Variants in PLEKHM3 observed in about 807,000 individuals in gnomAD.
The protein encoded by PLEKHM3 is pleckstrin homology domain containing M3.
PLEKHM3 carries 45 observed loss-of-function variants against 81.8 expected under a neutral mutation model. The observed-to-expected ratio is 0.55, with a 90% confidence interval of 0.43 to 0.71. The LOEUF is 0.71. Ranked by LOEUF, PLEKHM3 falls within the 30% of genes least tolerant of loss-of-function variation. The probability of loss-of-function intolerance (pLI) is 0.00; values close to 1 mark genes in which losing one functional copy is unlikely to be tolerated. For synonymous variants in PLEKHM3, 352 were observed against 356.4 expected (o/e 0.99, Z 0.14); for missense variants, 788 against 924.3 (o/e 0.85, Z 1.91).
At chr2:207,968,843 A>C (rs1007385145) in intron 3 of PLEKHM3, among the ~76,000 whole-genome samples, 5 of 152,218 alleles carry the variant, frequency 3.3e-5, no homozygotes, top group African/African-American at 4.8e-5. Context: ...TAGACAATAC[A>C]ACATAAGAAG....
Position 207,902,682 on chromosome 2 carries a change from C to T in PLEKHM3, c.1950+5832G>A, listed in dbSNP as rs189920914. ...AGAATTCTGTGCATTGTTATTTCAT[C>T]GCCAGCTTTTCTAATTTTGTTTTGT... On this transcript the variant is annotated intron_variant, in intron 6 of 7. Coordinates refer to ENST00000427836, the MANE Select transcript of PLEKHM3 (RefSeq NM_001080475.3). Among the ~76,000 whole-genome samples the T allele has an allele frequency of 1.2e-4, 18 of 152,228 alleles. 1 individual carries two copies. Among genetic ancestry groups the T allele is most frequent in the East Asian group, 1.2e-3 (6 of 5,186 alleles).
At chr2:207,921,329 G>A (rs894217669) in intron 5 of PLEKHM3, among the ~76,000 whole-genome samples, 1 of 152,158 alleles carries the variant, frequency 6.6e-6, no homozygotes, top group African/African-American at 2.4e-5. Context: ...TTACAGGCGT[G>A]AGCCACTGCA....
At chr2:208,016,833 A>C (rs1201111630) in intron 1 of PLEKHM3, among the ~76,000 whole-genome samples, 1 of 152,108 alleles carries the variant, frequency 6.6e-6, no homozygotes, top group Non-Finnish European at 1.5e-5. Flanking sequence ...CATTATGAGA[A>C]GTGTGATTTT....
intron 4 of PLEKHM3, among the ~76,000 whole-genome samples, chr2:207,932,349 A>G (rs954041818): frequency 7.2e-5 from 11 of 152,232 alleles, no homozygotes; most frequent in Non-Finnish European, 1.2e-4. Flanking sequence ...CTACATACCA[A>G]TCACTGACAG....
intron 7 of PLEKHM3, among the ~76,000 whole-genome samples, chr2:207,856,765 A>G (rs1303401715): frequency 6.6e-6 from 1 of 152,166 alleles, no homozygotes; most frequent in Non-Finnish European, 1.5e-5. Context: ...AGCTGCCATA[A>G]ACATCCATAT....
intron 6 of PLEKHM3, among the ~76,000 whole-genome samples, chr2:207,886,236 G>C (rs935026714): frequency 3.3e-5 from 5 of 152,174 alleles, no homozygotes; most frequent in African/African-American, 1.2e-4. Flanking sequence ...TCCCAGATGA[G>C]CCCCAAGCCC....
intron 1 of PLEKHM3, among the ~76,000 whole-genome samples, chr2:208,005,128 AG>A (rs1198837986): frequency 6.6e-6 from 1 of 152,196 alleles, no homozygotes; most frequent in East Asian, 1.9e-4. Flanking sequence ...CCTGGCCAAC[AG>A]TTTTATATCT....
At chr2:207,890,454 C>G (rs1339948489) in intron 6 of PLEKHM3, among the ~76,000 whole-genome samples, 1 of 152,032 alleles carries the variant, frequency 6.6e-6, no homozygotes, top group African/African-American at 2.4e-5. Context: ...ATGGTGAAAC[C>G]CCATCTCTAC....
chr2:207,883,357 T>C (rs1346565684), intron 6 of PLEKHM3, among the ~76,000 whole-genome samples: 2 of 152,134 alleles, frequency 1.3e-5, no homozygotes, highest in African/African-American at 4.8e-5. Flanking sequence ...CCCCTGCCAT[T>C]AGAGTTAGAT....
rs11436592 is a variant in PLEKHM3, at chr2:208,016,668, A to ATACACACACACACACACACAC, written c.-319+8720_-319+8721insGTGTGTGTGTGTGTGTGTGTA. Among the ~76,000 whole-genome samples, 436 of 61,564 alleles carry ATACACACACACACACACACAC rather than the reference A, an allele frequency of 7.1e-3. 3 individuals carry two copies. The highest frequency in any genetic ancestry group is 9.6e-3 in the Non-Finnish European group (243 of 25,430). The allele number at this position is 61,564 out of a possible 152,430, so 40.4% of individuals were successfully genotyped here. A position where few individuals can be genotyped will look rare whatever the true frequency, so the allele number is the denominator to read the frequency against. ...TTGTCTCAAAAAAAAAAAAAAAAAA[A>ATACACACACACACACACACAC]ATACACACACACACACACACACACA... On this transcript the variant is annotated intron_variant, in intron 1 of 7. Coordinates refer to ENST00000427836, the MANE Select transcript of PLEKHM3 (RefSeq NM_001080475.3).
chr2:207,907,927 T>C (rs1203183594), intron 6 of PLEKHM3, among the ~76,000 whole-genome samples: 1 of 152,234 alleles, frequency 6.6e-6, no homozygotes, highest in Admixed American at 6.5e-5. Context: ...TTCATGTAAA[T>C]AGAAGCATAC....
At chr2:207,934,462 C>T (rs1310217405) in intron 4 of PLEKHM3, among the ~76,000 whole-genome samples, 1 of 152,078 alleles carries the variant, frequency 6.6e-6, no homozygotes, top group African/African-American at 2.4e-5. Context: ...AATTATATTC[C>T]TTCTATTCAT....
chr2:207,982,034 T>C (rs1691543951), intron 2 of PLEKHM3, among the ~76,000 whole-genome samples: 1 of 152,178 alleles, frequency 6.6e-6, no homozygotes, highest in South Asian at 2.1e-4. Context: ...CCTCAGCCTA[T>C]TGAGCATGAA....
chr2:207,963,488 C>G (rs1008351039), intron 3 of PLEKHM3, among the ~76,000 whole-genome samples: 1 of 152,050 alleles, frequency 6.6e-6, no homozygotes, highest in Non-Finnish European at 1.5e-5. Context: ...GCAGTTGAGA[C>G]AAGATTTAGA....
At chr2:207,967,552 G>A (rs1361175866) in intron 3 of PLEKHM3, among the ~76,000 whole-genome samples, 1 of 152,178 alleles carries the variant, frequency 6.6e-6, no homozygotes, top group Non-Finnish European at 1.5e-5. Flanking sequence ...TTTTGTGATA[G>A]CTGCAAATTT....
intron 7 of PLEKHM3, among the ~76,000 whole-genome samples, chr2:207,856,157 A>C (rs575117444): frequency 6.6e-6 from 1 of 152,306 alleles, no homozygotes; most frequent in African/African-American, 2.4e-5. Flanking sequence ...TTTTATTAAT[A>C]ATAGACTATT....
At chr2:207,890,248 TAG>T (rs1178224119) in intron 6 of PLEKHM3, among the ~76,000 whole-genome samples, 1 of 152,280 alleles carries the variant, frequency 6.6e-6, no homozygotes, top group South Asian at 2.1e-4. Context: ...TAAAACAAAA[TAG>T]AGTTACCAGA....
intron 2 of PLEKHM3, among the ~76,000 whole-genome samples, chr2:207,987,877 C>T (rs1317752515): frequency 6.6e-6 from 1 of 152,178 alleles, no homozygotes; most frequent in African/African-American, 2.4e-5. Flanking sequence ...CTCCTAGCTT[C>T]TCAAGATCCT....
intron 3 of PLEKHM3, among the ~76,000 whole-genome samples, chr2:207,953,139 T>G (rs1690386373): frequency 7.1e-6 from 1 of 141,114 alleles, no homozygotes; most frequent in Non-Finnish European, 1.6e-5. Context: ...ATCAATTGCG[T>G]GCCACGTGTA....
Sources: gnomAD v4.1 joint callset for allele counts (sites outside exome capture counted in the v4.1 genomes callset) on GRCh38, gnomAD v4.1.1 for gene constraint, MANE v1.5 for transcripts, NCBI Gene and HGNC (gene_info 2026-07-23, HGNC 2026-07-21) for gene names.